The following ALG12 variants were observed in gnomAD, a reference collection of about 807,000 sequenced individuals.
The protein encoded by ALG12 is ALG12 alpha-1,6-mannosyltransferase.
Under a neutral mutation model 46.0 loss-of-function variants are expected in ALG12, and 36 were observed. The ratio of observed to expected loss-of-function variants is 0.78; its 90% CI spans 0.60 to 1.03. The LOEUF is 1.03. Among genes scored for constraint, ALG12 ranks in the 50% least tolerant of loss-of-function variants. ALG12 has a pLI of 0.00. For synonymous variants in ALG12, 326 were observed against 291.6 expected (o/e 1.12, Z -1.20); for missense variants, 599 against 633.5 (o/e 0.95, Z 0.58).
At chr22:49,891,830 T>C in the ALG12 span, among the ~76,000 whole-genome samples, 3 of 152,220 alleles carry the variant, frequency 2.0e-5, no homozygotes, top group East Asian at 1.9e-4. Flanking sequence ...CATGAACTTT[T>C]TGAAGACCAC....
chr22:49,876,494 T>A, the ALG12 span, among the ~76,000 whole-genome samples: 1 of 152,218 alleles, frequency 6.6e-6, no homozygotes, highest in African/African-American at 2.4e-5. Flanking sequence ...TCTGGATGAA[T>A]TGACCCCCTT....
At chr22:49,909,742 G>C (rs1449345195) in intron 5 of ALG12, 152 bp downstream of exon 5, 9 of 1,106,034 alleles carry the variant, frequency 8.1e-6, no homozygotes, top group Non-Finnish European at 1.1e-5. Context: ...GAGATCCCCG[G>C]GCAGGGGGCT....
At chr22:49,884,286 T>C in the ALG12 span, 2 of 1,612,712 alleles carry the variant, frequency 1.2e-6, no homozygotes, top group Non-Finnish European at 1.7e-6. Context: ...CCATCAAACT[T>C]GTCCAGAAAG....
intron 3 of ALG12, among the ~76,000 whole-genome samples, chr22:49,912,871 AAG>A (rs1346650480): frequency 1.3e-5 from 2 of 150,634 alleles, no homozygotes; most frequent in Admixed American, 1.3e-4. Flanking sequence ...TGTCTCAAAA[AAG>A]AAAAAAAAAT....
At chr22:49,859,453 A>G in the ALG12 span, among the ~76,000 whole-genome samples, 113,311 of 151,920 alleles carry the variant, frequency 0.75, 44,821 homozygotes, top group East Asian at 0.91. Context: ...TTTTCACTCC[A>G]TACGTGGTCC....
At position 49,902,648 on chromosome 22, in the gene ALG12, CTGTGTGG is replaced by C. The variant is rs2060519058; in HGVS notation, c.*1183_*1189del. The C allele has an allele frequency of 7.0e-6, 1 of 142,386 alleles. No homozygotes were observed. Among genetic ancestry groups the C allele is most frequent in the African/African-American group, 2.7e-5 (1 of 37,230 alleles). 8.8% of individuals were successfully genotyped at this position (142,386 alleles called of 1,614,324 possible). On this transcript the variant is annotated 3_prime_UTR_variant, in exon 10 of 10. Transcript: ENST00000330817. Reference sequence around the variant, plus strand: ...ATGCATGGTAATGTGCACGTGTGCACTGTGTGGTGTGTATGCATGGTGTGTGCACGTG... The same window carrying C: ...ATGCATGGTAATGTGCACGTGTGCACTGTGTATGCATGGTGTGTGCACGTG...
intron 1 of ALG12, among the ~76,000 whole-genome samples, chr22:49,917,612 G>A (rs781217734): frequency 6.6e-6 from 1 of 152,096 alleles, no homozygotes; most frequent in South Asian, 2.1e-4. Context: ...AGCTTGCAGT[G>A]AGCTGAGATC....
chr22:49,871,357 G>A, the ALG12 span, among the ~76,000 whole-genome samples: 5 of 152,006 alleles, frequency 3.3e-5, no homozygotes, highest in South Asian at 2.1e-4. Flanking sequence ...GTGGTGGCAC[G>A]CACCTGTAAT....
chr22:49,886,347 C>T, the ALG12 span: 7 of 1,607,362 alleles, frequency 4.4e-6, no homozygotes, highest in South Asian at 6.6e-5. This position sits in a 1 kb window ranked among gnomAD's most constrained non-coding sequence, Gnocchi z 7.7. Context: ...GGAGCACTTC[C>T]TTCCACATGC....
chr22:49,868,753 G>A, the ALG12 span, among the ~76,000 whole-genome samples: 1 of 152,088 alleles, frequency 6.6e-6, no homozygotes. Context: ...TGTGTTGTAG[G>A]GTTGAGCAAA....
the ALG12 span, among the ~76,000 whole-genome samples, chr22:49,870,943 A>ATTTTTTT: frequency 8.0e-5 from 11 of 138,112 alleles, no homozygotes; most frequent in Admixed American, 7.3e-4. Flanking sequence ...TAAAAGATAG[A>ATTTTTTT]TTTTTTTTTT....
At position 49,902,431 on chromosome 22, in the gene ALG12, T is replaced by TA. The variant is rs1569171924; in HGVS notation, c.*1406_*1407insT. The TA allele has an allele frequency of 1.3e-5, 1 of 75,410 alleles. No homozygotes were observed. Among genetic ancestry groups the TA allele is most frequent in the Admixed American group, 1.1e-4 (1 of 9,432 alleles). The allele number at this position is 75,410 out of a possible 1,614,324, so 4.7% of individuals were successfully genotyped here. ...GCACATGTGCACTGTGTATGCATGG[T>TA]GTGTGCACGTGTGCACTGTGTATGC... is the stretch of plus-strand genomic sequence containing the variant. On this transcript the variant is annotated 3_prime_UTR_variant, in exon 10 of 10. Transcript: ENST00000330817.
intron 1 of ALG12, among the ~76,000 whole-genome samples, chr22:49,916,919 AG>A (rs1483607565): frequency 6.6e-6 from 1 of 152,252 alleles, no homozygotes; most frequent in Non-Finnish European, 1.5e-5. Context: ...TTCCCCAGCA[AG>A]GAAGAGTTCA....
the ALG12 span, chr22:49,884,735 T>C: frequency 6.3e-7 from 1 of 1,593,336 alleles, no homozygotes; most frequent in Non-Finnish European, 8.6e-7. Context: ...CCTCCCACTC[T>C]GCTGCCTTCC....
At chr22:49,912,631 C>T (rs1428661728) in intron 3 of ALG12, among the ~76,000 whole-genome samples, 5 of 152,186 alleles carry the variant, frequency 3.3e-5, no homozygotes, top group South Asian at 2.1e-4. Flanking sequence ...TGGACTGACT[C>T]GCTGGAAGCA....
the ALG12 span, among the ~76,000 whole-genome samples, chr22:49,894,146 CAG>C: frequency 6.6e-6 from 1 of 152,152 alleles, no homozygotes; most frequent in Non-Finnish European, 1.5e-5. Context: ...GCCTGGGCGA[CAG>C]AGCAAGACTT....
the ALG12 span, among the ~76,000 whole-genome samples, chr22:49,892,254 G>A: frequency 6.9e-6 from 1 of 144,188 alleles, no homozygotes; most frequent in East Asian, 2.1e-4. Flanking sequence ...AGGATTTGAA[G>A]AAACAAAATC....
At chr22:49,887,243 C>T in the ALG12 span, 1 of 1,510,880 alleles carries the variant, frequency 6.6e-7, no homozygotes, top group Non-Finnish European at 9.0e-7. Context: ...TGTACCAGGT[C>T]TATGACCCGC....
At chr22:49,876,228 A>G in the ALG12 span, among the ~76,000 whole-genome samples, 1 of 152,214 alleles carries the variant, frequency 6.6e-6, no homozygotes, top group Non-Finnish European at 1.5e-5. Flanking sequence ...GGTTTTGTGT[A>G]CACTTGTAAA....
Sources: allele counts gnomAD v4.1 joint callset (sites outside exome capture counted in the v4.1 genomes callset), GRCh38; gene constraint gnomAD v4.1.1; non-coding constraint Gnocchi (gnomAD v3.1); transcripts MANE v1.5; gene names NCBI Gene and HGNC (gene_info 2026-07-23, HGNC 2026-07-21).